Variants in ITGA5 observed in about 807,000 individuals in gnomAD.
ITGA5 encodes the protein integrin subunit alpha 5.
ITGA5 carries 55 observed loss-of-function variants against 146.3 expected under a neutral mutation model. That is an observed-to-expected ratio of 0.38 (90% confidence interval 0.30 to 0.47). The LOEUF (loss-of-function observed/expected upper bound fraction) is 0.47, where lower values mean the gene tolerates loss of function less well. ITGA5 is among the 20% of genes least tolerant of loss of function. The pLI is 0.99. For synonymous variants in ITGA5, 500 were observed against 531.8 expected, an observed-to-expected ratio of 0.94 and a Z score of 0.82; for missense variants, 1,131 against 1,329.0, an observed-to-expected ratio of 0.85 and a Z score of 2.32.
At chr12:54,408,017 T>C in intron 7 of ITGA5, 93 bp downstream of exon 7, 2 of 1,555,198 alleles carry the variant, frequency 1.3e-6, no homozygotes, top group Non-Finnish European at 1.8e-6. Context: ...GTGCTGGGGA[T>C]GCCTGAGTAG....
In ITGA5 at chr12:54,409,314, C is replaced by T; in HGVS notation, c.501G>A (p.Glu167=). The change falls in exon 4 of 30, where the codon GAG becomes GAA. Residue 167 remains glutamate (E), a synonymous_variant. Coordinates refer to ENST00000293379, the MANE Select transcript of ITGA5 (RefSeq NM_002205.5). This position sits in a 1 kb window ranked among gnomAD's most constrained non-coding sequence, Gnocchi z 4.7. ...APLYSWRTEK[E]PLSDPVGTCY... ...AGGTGCCCACGGGGTCGCTCAGTGG[C>T]TCCTTCTCTGTGCGCCAGCTGTACA... 1 of 1,613,854 alleles carries T rather than the reference C, an allele frequency of 6.2e-7. No individual in the cohort carries two copies. The highest frequency in any genetic ancestry group is 8.5e-7 in the Non-Finnish European group (1 of 1,179,932).
intron 29 of ITGA5, 50 bp downstream of exon 29, chr12:54,397,315 G>A (rs1469808046): frequency 4.3e-6 from 7 of 1,609,750 alleles, no homozygotes; most frequent in Non-Finnish European, 5.1e-6. Context: ...CCAGGTCAAG[G>A]GCAGAGCCTG....
At chr12:54,405,801 A>G in intron 10 of ITGA5, 69 bp downstream of exon 10, 1 of 1,596,988 alleles carries the variant, frequency 6.3e-7, no homozygotes, top group Admixed American at 1.7e-5. Flanking sequence ...TTGGGCTGAC[A>G]TTATTAGGTC....
Position 54,407,772 on chromosome 12 carries a change from C to G in ITGA5, c.862+60G>C. On this transcript the variant is annotated intron_variant, in intron 8 of 29. Transcript: ENST00000293379. ...TGGTAAGTGGCCAAGTTCATGGGCT[C>G]TCTGGCCCTGTGCCTCTAACCATCC... is the stretch of plus-strand genomic sequence containing the variant. 1.6e-5 allele frequency: 25 copies of G among 1,605,432 alleles called. No homozygotes were observed. In the South Asian group the frequency reaches 2.4e-4, roughly 16 times the overall value.
At position 54,409,721 on chromosome 12, in the gene ITGA5, G is replaced by A; in HGVS notation, c.350-124C>T. On this transcript the variant is annotated intron_variant, in intron 2 of 29. Transcript: ENST00000293379. This position sits in a 1 kb window ranked among gnomAD's most constrained non-coding sequence, Gnocchi z 4.7. ...AAGCCCTGAGACTCCATGACTCGCT[G>A]GGAGTGTGGAATTGGTAAGGAGCTT... 1 of 625,554 alleles carries A rather than the reference G, an allele frequency of 1.6e-6. No homozygotes were observed. The highest frequency in any genetic ancestry group is 2.9e-5 in the Admixed American group (1 of 34,948). The allele number at this position is 625,554 out of a possible 1,614,324, so 38.8% of individuals were successfully genotyped here.
At chr12:54,418,490 T>G (rs1409222505) in intron 1 of ITGA5, among the ~76,000 whole-genome samples, 1 of 152,000 alleles carries the variant, frequency 6.6e-6, no homozygotes, top group African/African-American at 2.4e-5. Context: ...AGTCTTTGAC[T>G]TTCCTCCTAC....
rs555101411 is a variant in ITGA5, at chr12:54,400,318, AT to A, written c.2644-372del. ...GAGGTTTTTCTATGATCCAATTTAA[AT>A]AGTGTCCCTACAGCTTATTAACTCT... On this transcript the variant is annotated intron_variant, in intron 25 of 29. Transcript: ENST00000293379. 343 of 245,782 alleles carry A rather than the reference AT, an allele frequency of 1.4e-3. 2 individuals are homozygous for A. Among genetic ancestry groups the A allele is most frequent in the African/African-American group, 7.3e-3 (324 of 44,688 alleles). 15.2% of individuals were successfully genotyped at this position (245,782 alleles called of 1,614,324 possible).
Position 54,408,877 on chromosome 12 carries a change from C to T in ITGA5, c.645+16G>A, listed in dbSNP as rs368444109. ...CCACCACCCACGGCCCCTTCTCTCC[C>T]AGACCACTCTCTCACCTTGGTGAAC... On this transcript the variant is annotated intron_variant, in intron 5 of 29. Coordinates refer to ENST00000293379, the MANE Select transcript of ITGA5 (RefSeq NM_002205.5). The T allele has an allele frequency of 1.2e-6, 2 of 1,613,948 alleles. No homozygotes were observed. Among genetic ancestry groups the T allele is most frequent in the African/African-American group, 2.7e-5 (2 of 74,912 alleles).
In ITGA5 at chr12:54,404,182, C is replaced by G; in HGVS notation, c.1528G>C (p.Glu510Gln). ...TTCCCCTCTAAGCTGCAGCTCCGCTCCTCTGGGTTGAACATGGCGGGGAAG... is the reference window on the plus strand; with the variant it reads ...TTCCCCTCTAAGCTGCAGCTCCGCTGCTCTGGGTTGAACATGGCGGGGAAG... ...TIFPAMFNPE[E>Q]RSCSLEGNPV... Residue 510 changes from glutamate to glutamine, a missense_variant, in exon 15 of 30, where the codon GAG (glutamate) becomes CAG (glutamine). Transcript: ENST00000293379. 1 of 1,600,274 alleles carries G rather than the reference C, an allele frequency of 6.2e-7. No individual in the cohort carries two copies. The highest frequency in any genetic ancestry group is 8.5e-7 in the Non-Finnish European group (1 of 1,173,446).
rs773610424 is a variant in ITGA5 at position 54,408,172 on chromosome 12, T to C, written c.755A>G (p.Asn252Ser). Residue 252 changes from asparagine to serine, a missense_variant, in exon 7 of 30, where the codon AAC becomes AGC. Coordinates refer to ENST00000293379, the MANE Select transcript of ITGA5 (RefSeq NM_002205.5). ...AGTCTGCAGCTGCCCCTGAACCAGG[T>C]TGATCAGGTACTCGGGGTAATAAGA... is the stretch of plus-strand genomic sequence containing the variant. ...AESYYPEYLI[N>S]LVQGQLQTRQ... 2 of 1,613,956 alleles carry C rather than the reference T, an allele frequency of 1.2e-6. No individual in the cohort carries two copies. The highest frequency in any genetic ancestry group is 1.3e-5 in the African/African-American group (1 of 74,876).
chr12:54,413,135 A>C (rs1278426887), intron 1 of ITGA5: 1 of 152,226 alleles, frequency 6.6e-6, no homozygotes, highest in Non-Finnish European at 1.5e-5. Context: ...TTTCCCTGAT[A>C]TTTGAATACC....
At position 54,401,968 on chromosome 12, in the gene ITGA5, C is replaced by T. The variant is rs748292724; in HGVS notation, c.2226+33G>A. 6.2e-7 allele frequency: 1 copy of T among 1,610,008 alleles called. No individual in the cohort carries two copies. Among genetic ancestry groups the T allele is most frequent in the Non-Finnish European group, 8.5e-7 (1 of 1,176,342 alleles). ...GGTTACCGCCCTCAGGTCTGCTCTC[C>T]CTCTGTCCCATCCTCTTTCATCCCA... is the stretch of plus-strand genomic sequence containing the variant. On this transcript the variant is annotated intron_variant, in intron 21 of 29. Transcript: ENST00000293379. This position sits in a 1 kb window ranked among gnomAD's most constrained non-coding sequence, Gnocchi z 5.0.
chr12:54,402,954 C>G, intron 19 of ITGA5, 29 bp downstream of exon 19: 2 of 1,603,290 alleles, frequency 1.2e-6, no homozygotes, highest in Non-Finnish European at 1.7e-6. Context: ...GCACCTGGAG[C>G]TCCCTAGCTT....
At chr12:54,408,983 G>C in intron 4 of ITGA5, 29 bp from the exon 5 acceptor site, 1 of 1,606,140 alleles carries the variant, frequency 6.2e-7, no homozygotes, top group Non-Finnish European at 8.5e-7. Context: ...GTGAAAATGA[G>C]CCCTGCATAG....
chr12:54,404,853 C>T lies in ITGA5; in HGVS notation c.1267G>A (p.Gly423Arg). The T allele has an allele frequency of 1.9e-6, 3 of 1,603,828 alleles. No individual in the cohort carries two copies. The East Asian group carries it at 6.7e-5, about 36-fold the overall frequency. The change falls in exon 13 of 30, where the codon GGA becomes AGA. Residue 423 changes from glycine to arginine, a missense_variant. By Grantham distance (125) the Gly-to-Arg change is moderately radical (BLOSUM62 -2). This residue lies in a region of ITGA5 where 889 missense variants were observed against 1,021.5 expected (regional missense o/e 0.87). Transcript: ENST00000293379. Reference sequence around the variant, plus strand: ...CCCCCAGGAAATACAAACACTACTCCCTGCTGGGTCTCCCCACCAAAGGGA... The same window carrying T: ...CCCCCAGGAAATACAAACACTACTCTCTGCTGGGTCTCCCCACCAAAGGGA... ...GAPFGGETQQ[G>R]VVFVFPGGPG... is the part of the protein sequence containing the mutation.
chr12:54,402,823 T>C (rs1310977781), intron 19 of ITGA5, among the ~76,000 whole-genome samples, 160 bp downstream of exon 19: 6 of 152,190 alleles, frequency 3.9e-5, no homozygotes, highest in Non-Finnish European at 8.8e-5. Context: ...CCAAAAAGTC[T>C]GAGAAATAAA....
At position 54,403,483 on chromosome 12, in the gene ITGA5, CAGA is replaced by C. The variant is rs751866551; in HGVS notation, c.1776+139_1776+141del. The C allele has an allele frequency of 1.9e-5, 24 of 1,269,392 alleles. No homozygotes were observed. Among genetic ancestry groups the C allele is most frequent in the Non-Finnish European group, 2.6e-5 (24 of 924,164 alleles). 78.6% of individuals were successfully genotyped at this position (1,269,392 alleles called of 1,614,324 possible). A position where few individuals can be genotyped will look rare whatever the true frequency, so the allele number is the denominator to read the frequency against. On this transcript the variant is annotated intron_variant, in intron 17 of 29. Coordinates refer to ENST00000293379, the MANE Select transcript of ITGA5 (RefSeq NM_002205.5). The surrounding 1 kb of genome is among the most constrained non-coding windows in gnomAD (Gnocchi z 4.9). ...GCAGCCTGCTTCCCAGCTCCTCTGA[CAGA>C]AGGTCTCCCTTTCTCAGCCCCTACA...
intron 1 of ITGA5, chr12:54,413,211 T>TGG (rs1217564527): frequency 6.6e-6 from 1 of 152,404 alleles, no homozygotes; most frequent in African/African-American, 2.4e-5. Flanking sequence ...TCACAAGAGC[T>TGG]GGGGGTATTT....
rs1167789221 is a variant in ITGA5 at position 54,400,899 on chromosome 12, C to T, written c.2590G>A (p.Val864Ile). 16 of 1,614,036 alleles carry T rather than the reference C, an allele frequency of 9.9e-6. No homozygotes were observed. The highest frequency in any genetic ancestry group is 1.7e-5 in the Admixed American group (1 of 59,992). ...EGQQLLYVTRVTGLNCTTNHP... is the reference protein window; with the variant it reads ...EGQQLLYVTRITGLNCTTNHP... Reference sequence around the variant, plus strand: ...TTGGTGGTGCAGTTGAGTCCCGTAACTCTGGTCACATATAGGAGCTGCTGA... The same window carrying T: ...TTGGTGGTGCAGTTGAGTCCCGTAATTCTGGTCACATATAGGAGCTGCTGA... The change falls in exon 25 of 30, where the codon GTT becomes ATT. Residue 864 changes from valine (V) to isoleucine (I), a missense_variant. Val to Ile is a conservative substitution (Grantham distance 29). Around this residue, in one of 3 missense-constraint regions of ITGA5, gnomAD observed 889 missense variants for 1,021.5 expected, o/e 0.87. Transcript: ENST00000293379.
Sources: gnomAD v4.1 joint callset for allele counts (sites outside exome capture counted in the v4.1 genomes callset) on GRCh38, gnomAD v4.1.1 for gene constraint, gnomAD v4.1.1 regional missense constraint, Gnocchi (gnomAD v3.1) non-coding constraint, MANE v1.5 for transcripts, NCBI Gene and HGNC (gene_info 2026-07-23, HGNC 2026-07-21) for gene names.